Variants in PCDHA6 observed in about 807,000 individuals in gnomAD.
PCDHA6 encodes the protein protocadherin alpha 6.
Under a neutral mutation model 60.3 loss-of-function variants are expected in PCDHA6, and 55 were observed. The observed-to-expected ratio is 0.91, with a 90% CI of 0.73 to 1.14. PCDHA6 has a LOEUF of 1.14. PCDHA6 is among the 50% of genes most tolerant of loss of function. The pLI, the probability that PCDHA6 is intolerant of heterozygous loss-of-function variation, is 0.00. For missense variants in PCDHA6, 1,327 were observed against 1,256.5 expected (o/e 1.06, Z -0.85); for synonymous variants, 652 against 557.9 (o/e 1.17, Z -2.38).
Position 140,843,241 on chromosome 5 carries a change from G to A in PCDHA6, c.2394+12756G>A, listed in dbSNP as rs2150355764. ...GCACCACTCGTGTCCTGGACGAAGC[G>A]GACTCTCCGCGCCACCGTCTGCTGG... On this transcript the variant is annotated intron_variant, in intron 1 of 3. Transcript: ENST00000529310. 3.1e-6 allele frequency: 5 copies of A among 1,595,826 alleles called. 1 individual carries two copies. The highest frequency in any genetic ancestry group is 2.7e-5 in the African/African-American group (2 of 74,416).
chr5:140,985,739 C>CTTT (rs11372071), intron 3 of PCDHA6, among the ~76,000 whole-genome samples: 39 of 117,922 alleles, frequency 3.3e-4, no homozygotes, highest in Non-Finnish European at 4.1e-4. Context: ...TGATGAATTC[C>CTTT]TTTTTTTTTT....
intron 1 of PCDHA6, chr5:140,968,552 C>T (rs370640529): frequency 1.2e-6 from 2 of 1,614,184 alleles, no homozygotes; most frequent in Non-Finnish European, 1.7e-6. Flanking sequence ...GATGGTGCCT[C>T]GAACTGCCCC....
intron 1 of PCDHA6, chr5:140,843,167 A>G: frequency 6.3e-7 from 1 of 1,596,098 alleles, no homozygotes; most frequent in Non-Finnish European, 8.6e-7. Context: ...GCCAGCTGCA[A>G]GCAGCCCTCG....
chr5:140,841,689 T>C, intron 1 of PCDHA6: 1 of 1,613,616 alleles, frequency 6.2e-7, no homozygotes, highest in South Asian at 1.1e-5. Flanking sequence ...GACGTGGAGG[T>C]GAAGGATGTT....
intron 1 of PCDHA6, among the ~76,000 whole-genome samples, chr5:140,977,973 A>G (rs1336063493): frequency 4.6e-5 from 7 of 152,178 alleles, no homozygotes; most frequent in Admixed American, 3.9e-4. Flanking sequence ...TCCGCCCATG[A>G]AAACGCATCT....
chr5:140,871,644 C>A, intron 1 of PCDHA6: 2 of 1,286,330 alleles, frequency 1.6e-6, no homozygotes, highest in Non-Finnish European at 2.1e-6. Flanking sequence ...CATAAAATAC[C>A]AAATGATACA....
chr5:140,848,112 A>G, intron 1 of PCDHA6: 1 of 176,234 alleles, frequency 5.7e-6, no homozygotes, highest in South Asian at 1.5e-4. Context: ...GGATAAGAAA[A>G]CCACAATCAA....
intron 1 of PCDHA6, among the ~76,000 whole-genome samples, chr5:140,916,719 A>G (rs921368119): frequency 2.0e-5 from 3 of 152,128 alleles, no homozygotes; most frequent in Non-Finnish European, 2.9e-5. Context: ...GGAAGGAGTG[A>G]CTTTTGTTGC....
At chr5:140,942,541 G>T (rs1241528363) in intron 1 of PCDHA6, among the ~76,000 whole-genome samples, 1 of 152,056 alleles carries the variant, frequency 6.6e-6, no homozygotes, top group Non-Finnish European at 1.5e-5. Context: ...CAGTATGGTG[G>T]GGGGTAGGGG....
intron 1 of PCDHA6, among the ~76,000 whole-genome samples, chr5:140,938,157 G>A (rs532966795): frequency 6.6e-6 from 1 of 151,904 alleles, no homozygotes; most frequent in East Asian, 1.9e-4. Context: ...CATTGCCCAG[G>A]CTAGTCTGGA....
In PCDHA6 at chr5:140,843,250, G is replaced by C; in HGVS notation, c.2394+12765G>C. The stretch of plus-strand genomic sequence containing the variant: ...GTGTCCTGGACGAAGCGGACTCTCC[G>C]CGCCACCGTCTGCTGGTCCTGGTGA... On this transcript the variant is annotated intron_variant, in intron 1 of 3. Transcript: ENST00000529310. 14 of 1,596,012 alleles carry C rather than the reference G, an allele frequency of 8.8e-6. 3 individuals carry two copies. Among genetic ancestry groups the C allele is most frequent in the Non-Finnish European group, 1.1e-5 (13 of 1,165,570 alleles).
intron 1 of PCDHA6, chr5:140,836,400 G>C (rs2150259839): frequency 6.2e-7 from 1 of 1,613,760 alleles, no homozygotes; most frequent in African/African-American, 1.3e-5. Context: ...GGTGGAAAGC[G>C]GCCAGGCACC....
intron 1 of PCDHA6, among the ~76,000 whole-genome samples, chr5:140,924,907 A>T (rs538089373): frequency 0.035 from 1,776 of 50,942 alleles, 16 homozygotes; most frequent in Non-Finnish European, 0.042. Context: ...AAAAAAAAAT[A>T]AAATAAAATA....
chr5:141,011,749 G>T lies in PCDHA6; in HGVS notation c.*1812G>T, dbSNP rs782567787. 1.2e-4 allele frequency: 18 copies of T among 153,636 alleles called. No homozygotes were observed. Among genetic ancestry groups the T allele is most frequent in the Non-Finnish European group, 2.5e-4 (17 of 68,010 alleles). 9.5% of individuals were successfully genotyped at this position (153,636 alleles called of 1,614,324 possible). A position where few individuals can be genotyped will look rare whatever the true frequency, so the allele number is the denominator to read the frequency against. On this transcript the variant is annotated 3_prime_UTR_variant, in exon 4 of 4. Coordinates refer to ENST00000529310, the MANE Select transcript of PCDHA6 (RefSeq NM_018909.4). ...GTGCAAGCACAAATTTTACCAATCT[G>T]ACCTCTTTGAAGTTGCAGAATGCTT...
At chr5:140,866,291 T>A (rs1193667769) in intron 1 of PCDHA6, 1 of 152,138 alleles carries the variant, frequency 6.6e-6, no homozygotes, top group Non-Finnish European at 1.5e-5. Flanking sequence ...TTGGGACAAG[T>A]ATAGATGTTG....
chr5:140,829,774 C>A lies in PCDHA6; in HGVS notation c.1683C>A (p.Asn561Lys), dbSNP rs1293917446. ...TGTTCGTGCTGGACGAGAACGACAA[C>A]GCGCCGGCGCTGCTGGCGCCTCGGG... Reference protein sequence around the residue: ...LQVFVLDENDNAPALLAPRVG... With the variant: ...LQVFVLDENDKAPALLAPRVG... The change falls in exon 1 of 4, where the codon AAC becomes AAA. Residue 561 changes from asparagine (N) to lysine (K), a missense_variant. Transcript: ENST00000529310. 3 of 1,613,670 alleles carry A rather than the reference C, an allele frequency of 1.9e-6. No individual in the cohort carries two copies. The highest frequency in any genetic ancestry group is 2.5e-6 in the Non-Finnish European group (3 of 1,179,866).
chr5:140,833,342 T>C (rs183757705), intron 1 of PCDHA6, among the ~76,000 whole-genome samples: 3 of 152,278 alleles, frequency 2.0e-5, no homozygotes, highest in Admixed American at 2.0e-4. Flanking sequence ...GAGTGAAACA[T>C]TCCAGAAAAC....
intron 1 of PCDHA6, chr5:140,857,104 TTC>T: frequency 6.3e-7 from 1 of 1,597,962 alleles, no homozygotes; most frequent in Non-Finnish European, 8.6e-7. Flanking sequence ...TGATTGTCAC[TTC>T]TCTGTCTCTC....
chr5:140,963,829 A>G (rs1460358277), intron 1 of PCDHA6, among the ~76,000 whole-genome samples: 1 of 152,180 alleles, frequency 6.6e-6, no homozygotes, highest in African/African-American at 2.4e-5. Context: ...CTTTACATAC[A>G]TTTTCTCATG....
Sources: allele counts gnomAD v4.1 joint callset (sites outside exome capture counted in the v4.1 genomes callset), GRCh38; gene constraint gnomAD v4.1.1; transcripts MANE v1.5; gene names NCBI Gene and HGNC (gene_info 2026-07-23, HGNC 2026-07-21).